R3HDM2: variants seen among roughly 807,000 people sequenced by gnomAD.
R3HDM2 encodes the protein R3H domain containing 2.
A neutral mutation model predicts 124.5 loss-of-function variants in R3HDM2; 38 were observed. The ratio of observed to expected loss-of-function variants is 0.31; its 90% CI spans 0.24 to 0.40. The LOEUF is 0.40. Among genes scored for constraint, R3HDM2 ranks in the 10% least tolerant of loss-of-function variants. The pLI is 1.00. For missense variants in R3HDM2, 869 were observed against 1,236.9 expected (o/e 0.70, Z 4.46); for synonymous variants, 391 against 448.0 (o/e 0.87, Z 1.61).
chr12:57,290,117 T>C, intron 11 of R3HDM2, among the ~76,000 whole-genome samples: 1 of 152,250 alleles, frequency 6.6e-6, no homozygotes, highest in East Asian at 1.9e-4. Flanking sequence ...GAGCTAACTT[T>C]GCCTTTGTTA....
Sources: gnomAD v4.1 joint callset for allele counts (sites outside exome capture counted in the v4.1 genomes callset) on GRCh38, gnomAD v4.1.1 for gene constraint, MANE v1.5 for transcripts, NCBI Gene and HGNC (gene_info 2026-07-23, HGNC 2026-07-21) for gene names.